Variants in GCSAM observed in about 807,000 individuals in gnomAD.
GCSAM encodes the protein germinal center-associated signaling and motility protein.
GCSAM carries 8 observed loss-of-function variants against 17.6 expected under a neutral mutation model. The observed-to-expected ratio is 0.46, with a 90% CI of 0.27 to 0.82. GCSAM has a LOEUF of 0.82. Ranked by LOEUF, GCSAM falls within the 40% of genes least tolerant of loss-of-function variation. GCSAM has a pLI of 0.15. For missense variants in GCSAM, 192 were observed against 213.5 expected, an observed-to-expected ratio of 0.90 and a Z score of 0.63; for synonymous variants, 68 against 69.0, an observed-to-expected ratio of 0.98 and a Z score of 0.07.
chr3:112,125,465 G>C (rs113517749), intron 4 of GCSAM, among the ~76,000 whole-genome samples: 4 of 152,156 alleles, frequency 2.6e-5, no homozygotes, highest in African/African-American at 9.7e-5. Flanking sequence ...GAGGTGAGAG[G>C]GGGGAGACAC....
intron 5 of GCSAM, among the ~76,000 whole-genome samples, chr3:112,124,663 C>G (rs1274619740): frequency 6.6e-6 from 1 of 151,938 alleles, no homozygotes; most frequent in African/African-American, 2.4e-5. Flanking sequence ...TGTGTTTTGG[C>G]TGTGATATTT....
chr3:112,125,922 G>A (rs2074307639), intron 4 of GCSAM, among the ~76,000 whole-genome samples: 1 of 152,172 alleles, frequency 6.6e-6, no homozygotes, highest in African/African-American at 2.4e-5. Context: ...TGACACCCTT[G>A]CTACCCTCTT....
At position 112,123,064 on chromosome 3, in the gene GCSAM, A is replaced by C. The variant is rs2074230024; in HGVS notation, c.*391T>G. 1 of 228,534 alleles carries C rather than the reference A, an allele frequency of 4.4e-6. No homozygotes were observed. Among genetic ancestry groups the C allele is most frequent in the African/African-American group, 2.3e-5 (1 of 43,688 alleles). The allele number at this position is 228,534 out of a possible 1,614,324, so 14.2% of individuals were successfully genotyped here. A position where few individuals can be genotyped will look rare whatever the true frequency, so the allele number is the denominator to read the frequency against. ...AGTGAACTCCCCCTTGGGCACACTT[A>C]GTATGATGAGTAAAGCTTCCTTGTG... On this transcript the variant is annotated 3_prime_UTR_variant, in exon 6 of 6. Coordinates refer to ENST00000308910, the MANE Select transcript of GCSAM (RefSeq NM_152785.5).
chr3:112,123,672 T>C lies in GCSAM; in HGVS notation c.320A>G (p.Tyr107Cys), dbSNP rs1408486372. 1.9e-6 allele frequency: 3 copies of C among 1,614,060 alleles called. No individual in the cohort carries two copies. Among genetic ancestry groups the C allele is most frequent in the South Asian group, 1.1e-5 (1 of 91,084 alleles). ...CTCAGCTTTGCAGGGAACATTCTCA[T>C]AGTACTCTTCAGCAGAGTTCCCTGA... is the stretch of plus-strand genomic sequence containing the variant. ...RPSGNSAEEY[Y>C]ENVPCKAERP... Residue 107 changes from tyrosine (Y) to cysteine (C), a missense_variant, in exon 6 of 6, where the codon TAT becomes TGT. Transcript: ENST00000308910.
chr3:112,132,591 T>C, intron 1 of GCSAM: 13 of 940,762 alleles, frequency 1.4e-5, no homozygotes, highest in Non-Finnish European at 1.5e-5. Context: ...GTCCAGAAAG[T>C]AAATCTGAGT....
intron 1 of GCSAM, chr3:112,132,487 A>G (rs1004203534): frequency 4.7e-6 from 1 of 212,542 alleles, no homozygotes; most frequent in Admixed American, 6.5e-5. Flanking sequence ...TTTGAACCCT[A>G]CTTTATGTCA....
At chr3:112,132,585 A>G in intron 1 of GCSAM, 2 of 905,288 alleles carry the variant, frequency 2.2e-6, no homozygotes, top group Non-Finnish European at 2.6e-6. Flanking sequence ...GCTGAGGTCC[A>G]GAAAGTAAAT....
intron 2 of GCSAM, chr3:112,130,070 G>T: frequency 5.3e-6 from 1 of 190,032 alleles, no homozygotes; most frequent in Non-Finnish European, 1.1e-5. Context: ...GGGGCATGTG[G>T]TCACTTCAGA....
rs2074220619 is a variant in GCSAM, at chr3:112,122,573, G to T, written c.*882C>A. 1 of 152,118 alleles carries T rather than the reference G, an allele frequency of 6.6e-6. No individual in the cohort carries two copies. Among genetic ancestry groups the T allele is most frequent in the African/African-American group, 2.4e-5 (1 of 41,434 alleles). The allele number at this position is 152,118 out of a possible 1,614,324, so 9.4% of individuals were successfully genotyped here. ...GACATTTTATTCATATTTTATACAT[G>T]ACATTATTAAATATATACATTTAGT... is the stretch of plus-strand genomic sequence containing the variant. On this transcript the variant is annotated 3_prime_UTR_variant, in exon 6 of 6. Coordinates refer to ENST00000308910, the MANE Select transcript of GCSAM (RefSeq NM_152785.5).
intron 2 of GCSAM, chr3:112,130,148 A>G (rs929574191): frequency 5.7e-6 from 2 of 353,014 alleles, no homozygotes; most frequent in Non-Finnish European, 1.1e-5. Flanking sequence ...CCTGAGATAG[A>G]CAAACAAAAT....
At chr3:112,131,260 G>C (rs181443382) in intron 1 of GCSAM, among the ~76,000 whole-genome samples, 2 of 152,276 alleles carry the variant, frequency 1.3e-5, no homozygotes, top group Admixed American at 6.5e-5. Flanking sequence ...GAAAAGCTGG[G>C]TTTGCTGCTG....
Position 112,123,397 on chromosome 3 carries a change from A to AT in GCSAM, c.*57dup. 1 of 1,573,018 alleles carries AT rather than the reference A, an allele frequency of 6.4e-7. No individual in the cohort carries two copies. Among genetic ancestry groups the AT allele is most frequent in the Non-Finnish European group, 8.6e-7 (1 of 1,159,630 alleles). ...TGTGTCCCATCCCTGCTTCAGGCAG[A>AT]TCCCCCATCCCACCTTTTATTTGTT... On this transcript the variant is annotated 3_prime_UTR_variant, in exon 6 of 6. Transcript: ENST00000308910.
intron 5 of GCSAM, 67 bp downstream of exon 5, chr3:112,125,159 C>T (rs1265950445): frequency 4.9e-6 from 5 of 1,030,230 alleles, no homozygotes; most frequent in Non-Finnish European, 7.7e-6. Flanking sequence ...GCCAACTTCT[C>T]CTGCCATTTA....
intron 1 of GCSAM, among the ~76,000 whole-genome samples, chr3:112,132,069 G>A (rs1300004817): frequency 1.3e-5 from 2 of 152,042 alleles, no homozygotes; most frequent in African/African-American, 2.4e-5. Flanking sequence ...CTACATTTGA[G>A]CATCTCATAT....
intron 1 of GCSAM, chr3:112,132,709 A>G (rs1378560043): frequency 3.1e-6 from 3 of 980,204 alleles, no homozygotes; most frequent in Admixed American, 1.2e-4. Flanking sequence ...CAAACTTAAA[A>G]TAGTGGCTGA....
chr3:112,132,848 T>C (rs1475325582), intron 1 of GCSAM: 1 of 476,706 alleles, frequency 2.1e-6, no homozygotes, highest in African/African-American at 2.0e-5. Flanking sequence ...CTTGGTAAAG[T>C]CTTTCCACCT....
In GCSAM at chr3:112,130,395, C is replaced by T. The variant is rs140746638; in HGVS notation, c.98+50G>A. On this transcript the variant is annotated intron_variant, in intron 2 of 5. Coordinates refer to ENST00000308910, the MANE Select transcript of GCSAM (RefSeq NM_152785.5). Reference sequence around the variant, plus strand: ...GTGAAGTCCAGGGCTTGACATACTTCGTTCTCCTTGGGCAAGGTCTGGGGG... The same window carrying T: ...GTGAAGTCCAGGGCTTGACATACTTTGTTCTCCTTGGGCAAGGTCTGGGGG... 3,430 of 1,471,626 alleles carry T rather than the reference C, an allele frequency of 2.3e-3. 75 individuals are homozygous for T. The Admixed American group carries it at 0.04, about 17-fold the overall frequency. 91.2% of individuals were successfully genotyped at this position (1,471,626 alleles called of 1,614,324 possible). A position where few individuals can be genotyped will look rare whatever the true frequency, so the allele number is the denominator to read the frequency against.
intron 4 of GCSAM, 67 bp from the exon 5 acceptor site, chr3:112,125,321 G>A: frequency 2.8e-6 from 3 of 1,089,702 alleles, no homozygotes; most frequent in Non-Finnish European, 4.3e-6. Flanking sequence ...GAGCAGGGGA[G>A]GCTAGAATAT....
chr3:112,123,428 TA>T lies in GCSAM; in HGVS notation c.*26del. On this transcript the variant is annotated 3_prime_UTR_variant, in exon 6 of 6. Transcript: ENST00000308910. ...CATCCCACCTTTTATTTGTTGGTGC[TA>T]AACAAATGCTAGTCCAGCCACTTCA... The T allele has an allele frequency of 1.9e-6, 3 of 1,601,566 alleles. No individual in the cohort carries two copies. Among genetic ancestry groups the T allele is most frequent in the Non-Finnish European group, 2.6e-6 (3 of 1,174,760 alleles).
Sources: allele counts gnomAD v4.1 joint callset (sites outside exome capture counted in the v4.1 genomes callset), GRCh38; gene constraint gnomAD v4.1.1; transcripts MANE v1.5; gene names NCBI Gene and HGNC (gene_info 2026-07-23, HGNC 2026-07-21).